Variants in RALY observed in about 807,000 individuals in gnomAD.
The protein encoded by RALY is RNA-binding protein Raly.
RALY carries 15 observed loss-of-function variants against 30.7 expected under a neutral mutation model. The ratio of observed to expected loss-of-function variants is 0.49; its 90% CI spans 0.33 to 0.75. The LOEUF (loss-of-function observed/expected upper bound fraction) is 0.75, where lower values mean the gene tolerates loss of function less well. RALY is among the 30% of genes least tolerant of loss of function. The probability of loss-of-function intolerance (pLI) is 0.02; values close to 1 mark genes in which losing one functional copy is unlikely to be tolerated. For missense variants in RALY, 339 were observed against 414.3 expected (o/e 0.82, Z 1.58); for synonymous variants, 177 against 170.8 (o/e 1.04, Z -0.28).
intron 2 of RALY, among the ~76,000 whole-genome samples, chr20:34,041,639 G>A (rs895690329): frequency 6.6e-6 from 1 of 152,102 alleles, no homozygotes; most frequent in Non-Finnish European, 1.5e-5. Flanking sequence ...ACCCCTTATA[G>A]GGTGTTATTT....
At chr20:34,034,441 T>G (rs866510779) in intron 2 of RALY, among the ~76,000 whole-genome samples, 1 of 152,316 alleles carries the variant, frequency 6.6e-6, no homozygotes, top group East Asian at 1.9e-4. Flanking sequence ...CTTCTGGCCT[T>G]TCCCTGGCCT....
At chr20:34,002,749 G>C (rs969266380) in intron 1 of RALY, among the ~76,000 whole-genome samples, 19 of 152,102 alleles carry the variant, frequency 1.2e-4, no homozygotes, top group Admixed American at 8.5e-4. Flanking sequence ...TCAGGTTTAG[G>C]TGTCCAGATA....
chr20:34,072,836 G>C (rs964577149), intron 3 of RALY, among the ~76,000 whole-genome samples: 2 of 152,138 alleles, frequency 1.3e-5, no homozygotes, highest in African/African-American at 2.4e-5. Flanking sequence ...GTTTGAAAAG[G>C]GGTATCTGTA....
chr20:34,077,547 G>A (rs1015197395), intron 8 of RALY: 3 of 501,786 alleles, frequency 6.0e-6, no homozygotes, highest in African/African-American at 1.9e-5. Context: ...GAGCACACAC[G>A]GCCTGCAGAG....
chr20:34,020,355 G>A (rs1398273892), intron 1 of RALY, among the ~76,000 whole-genome samples: 1 of 152,192 alleles, frequency 6.6e-6, no homozygotes, highest in Non-Finnish European at 1.5e-5. Flanking sequence ...TATTGGCAAA[G>A]GGATGGAGAA....
chr20:34,029,524 G>A (rs1851819485), intron 1 of RALY, among the ~76,000 whole-genome samples: 1 of 80,190 alleles, frequency 1.2e-5, no homozygotes, highest in South Asian at 4.9e-4. Flanking sequence ...TGATTTGGAT[G>A]TAGAACTCTT....
chr20:34,039,086 G>A (rs1018237485), intron 2 of RALY, among the ~76,000 whole-genome samples: 2 of 152,176 alleles, frequency 1.3e-5, no homozygotes. Context: ...GTCTCCAAAG[G>A]CGCATTGGTC....
intron 2 of RALY, among the ~76,000 whole-genome samples, chr20:34,034,609 C>T (rs1008008007): frequency 2.8e-4 from 43 of 152,166 alleles, no homozygotes; most frequent in African/African-American, 9.9e-4. Context: ...ATTTATCTAA[C>T]AGCCTCATTT....
chr20:34,084,470 C>CTAGA lies in RALY; in HGVS notation c.*4567_*4568insGATA, dbSNP rs1345908477. The CTAGA allele has an allele frequency of 6.6e-6, 1 of 152,230 alleles. No homozygotes were observed. The highest frequency in any genetic ancestry group is 1.5e-5 in the Non-Finnish European group (1 of 68,066). The allele number at this position is 152,230 out of a possible 1,614,324, so 9.4% of individuals were successfully genotyped here. A position where few individuals can be genotyped will look rare whatever the true frequency, so the allele number is the denominator to read the frequency against. On this transcript the variant is annotated 3_prime_UTR_variant, in exon 10 of 10. Transcript: ENST00000246194. ...ACAGGCATCCACTGTGTGGTTATGTCTATTCTATAGATTTTGTAGATGAGG... is the reference window on the plus strand; with the variant it reads ...ACAGGCATCCACTGTGTGGTTATGTCTAGATATTCTATAGATTTTGTAGATGAGG...
chr20:34,052,677 A>C (rs1322014011), intron 2 of RALY, among the ~76,000 whole-genome samples: 1 of 152,208 alleles, frequency 6.6e-6, no homozygotes, highest in Non-Finnish European at 1.5e-5. Context: ...GGGTCAAGTA[A>C]TTATCTCAGT....
At chr20:34,058,960 A>G (rs1018337853) in intron 2 of RALY, among the ~76,000 whole-genome samples, 2 of 152,106 alleles carry the variant, frequency 1.3e-5, no homozygotes, top group South Asian at 2.1e-4. Flanking sequence ...GATGCTTAGT[A>G]ATGTTTGTGG....
chr20:34,077,269 A>G, intron 8 of RALY, 24 bp downstream of exon 8: 1 of 1,612,746 alleles, frequency 6.2e-7, no homozygotes, highest in East Asian at 2.2e-5. Flanking sequence ...CAGGGGCACG[A>G]CTGGGACTCG....
Position 34,077,227 on chromosome 20 carries a change from A to G in RALY, c.858A>G (p.Thr286=). 1.9e-6 allele frequency: 3 copies of G among 1,613,758 alleles called. No homozygotes were observed. Among genetic ancestry groups the G allele is most frequent in the Non-Finnish European group, 8.5e-7 (1 of 1,179,844 alleles). The part of the protein sequence containing the change: ...RDDGDEEGLL[T]HSEEELEHSQ... ...ACGGCGATGAGGAAGGGCTCCTGAC[A>G]CACAGCGAGGAAGAGCTGGTGAGGG... is the stretch of plus-strand genomic sequence containing the variant. Residue 286 remains threonine (T), a synonymous_variant, in exon 8 of 10, where the codon ACA becomes ACG. Transcript: ENST00000246194.
Position 34,033,469 on chromosome 20 carries a change from G to T in RALY, c.-10+1865G>T, listed in dbSNP as rs146397985. On this transcript the variant is annotated intron_variant, in intron 2 of 9. Transcript: ENST00000246194. ...GTTCAAGATTGGGTGTCTGCACCCA[G>T]TGAGGGCCTTAGGCTGCTTCTACTG... 4.2e-3 allele frequency among the ~76,000 whole-genome samples: 645 copies of T among 152,286 alleles called. 6 individuals are homozygous for T. The highest frequency in any genetic ancestry group is 0.015 in the African/African-American group (616 of 41,560).
intron 2 of RALY, among the ~76,000 whole-genome samples, chr20:34,062,280 A>G (rs761521326): frequency 6.6e-6 from 1 of 152,192 alleles, no homozygotes; most frequent in African/African-American, 2.4e-5. Context: ...TGAACATCCT[A>G]CATACTTTAT....
At chr20:34,011,282 T>C (rs1251236045) in intron 1 of RALY, among the ~76,000 whole-genome samples, 2 of 152,216 alleles carry the variant, frequency 1.3e-5, no homozygotes, top group African/African-American at 4.8e-5. Context: ...AGCAGGCCCT[T>C]TGACTTCTAC....
At position 34,027,552 on chromosome 20, in the gene RALY, G is replaced by A. The variant is rs371651969; in HGVS notation, c.-92-3970G>A. 4.2e-4 allele frequency among the ~76,000 whole-genome samples: 64 copies of A among 152,258 alleles called. No homozygotes were observed. In the South Asian group the frequency reaches 9.1e-3, roughly 22 times the overall value. On this transcript the variant is annotated intron_variant, in intron 1 of 9. Coordinates refer to ENST00000246194, the MANE Select transcript of RALY (RefSeq NM_016732.3). ...ACTTCCACAATACATAACATTCTTTGAACTGTTAGATCCTGCCTATTATTA... is the reference window on the plus strand; with the variant it reads ...ACTTCCACAATACATAACATTCTTTAAACTGTTAGATCCTGCCTATTATTA...
intron 2 of RALY, among the ~76,000 whole-genome samples, chr20:34,035,235 G>A (rs1463169240): frequency 1.3e-5 from 2 of 149,246 alleles, no homozygotes; most frequent in Non-Finnish European, 3.0e-5. Flanking sequence ...ACAAACATCG[G>A]TGTCCCTCAG....
intron 1 of RALY, chr20:34,017,552 C>G (rs887218906): frequency 6.6e-6 from 1 of 152,156 alleles, no homozygotes; most frequent in Non-Finnish European, 1.5e-5. Flanking sequence ...CTTGCTTTTA[C>G]TTTCTCTTGC....
Sources: gnomAD v4.1 joint callset for allele counts (sites outside exome capture counted in the v4.1 genomes callset) on GRCh38, gnomAD v4.1.1 for gene constraint, MANE v1.5 for transcripts, NCBI Gene and HGNC (gene_info 2026-07-23, HGNC 2026-07-21) for gene names.